Variants in EXD1 observed in about 807,000 individuals in gnomAD.
EXD1 encodes exonuclease 3'-5' domain containing 1.
A neutral mutation model predicts 49.1 loss-of-function variants in EXD1; 63 were observed. That is an observed-to-expected ratio of 1.28 (90% CI 1.05 to 1.58). The LOEUF (loss-of-function observed/expected upper bound fraction) is 1.58, where lower values mean the gene tolerates loss of function less well. Among genes scored for constraint, EXD1 ranks in the 40% most tolerant of loss-of-function variants. The pLI, the probability that EXD1 is intolerant of heterozygous loss-of-function variation, is 0.00. For missense variants in EXD1, 748 were observed against 666.0 expected (o/e 1.12, Z -1.36); for synonymous variants, 234 against 239.2 (o/e 0.98, Z 0.20).
At chr15:41,220,704 G>A (rs1450292561) in intron 2 of EXD1, among the ~76,000 whole-genome samples, 1 of 152,122 alleles carries the variant, frequency 6.6e-6, no homozygotes, top group Non-Finnish European at 1.5e-5. Context: ...TGTCCACAAT[G>A]TGCTGTCATT....
intron 2 of EXD1, among the ~76,000 whole-genome samples, chr15:41,225,823 G>A (rs1012696132): frequency 6.6e-6 from 1 of 151,566 alleles, no homozygotes; most frequent in African/African-American, 2.4e-5. Flanking sequence ...GGGAGGCGGA[G>A]GTTGCGGTGA....
intron 1 of EXD1, among the ~76,000 whole-genome samples, chr15:41,227,202 A>G (rs987437298): frequency 6.6e-6 from 1 of 152,228 alleles, no homozygotes. Flanking sequence ...ACATTGGGAA[A>G]AGAACTTTTC....
At chr15:41,197,297 G>A (rs1476781506) in intron 7 of EXD1, among the ~76,000 whole-genome samples, 4 of 148,610 alleles carry the variant, frequency 2.7e-5, no homozygotes, top group African/African-American at 9.9e-5. Flanking sequence ...GCACGATCTC[G>A]ACTCACTGCA....
chr15:41,199,759 CAT>C (rs1447517222), intron 7 of EXD1, among the ~76,000 whole-genome samples: 5 of 12,616 alleles, frequency 4.0e-4, no homozygotes, highest in Admixed American at 1.2e-3. Flanking sequence ...ATATATGATA[CAT>C]ATATGATATA....
intron 2 of EXD1, among the ~76,000 whole-genome samples, chr15:41,224,264 A>T (rs8038198): frequency 6.6e-6 from 1 of 152,152 alleles, no homozygotes; most frequent in Admixed American, 6.5e-5. Context: ...TGAGAACAGG[A>T]ACCACCTTAT....
intron 11 of EXD1, among the ~76,000 whole-genome samples, chr15:41,186,493 G>GA (rs949250984): frequency 2.2e-4 from 18 of 82,126 alleles, no homozygotes; most frequent in Admixed American, 4.3e-4. Flanking sequence ...AAAAAAATCA[G>GA]AAAAAAAAAG....
chr15:41,214,655 C>A (rs1276381119), intron 6 of EXD1, among the ~76,000 whole-genome samples: 1 of 152,186 alleles, frequency 6.6e-6, no homozygotes, highest in Admixed American at 6.6e-5. Flanking sequence ...CACTGTGGTC[C>A]TGTCACACTG....
chr15:41,228,493 A>G (rs1317391283), intron 1 of EXD1, among the ~76,000 whole-genome samples: 2 of 152,226 alleles, frequency 1.3e-5, no homozygotes, highest in Non-Finnish European at 2.9e-5. Context: ...AGGTAATGCA[A>G]TCTGAACTAA....
At chr15:41,211,698 G>A (rs1198241281) in intron 6 of EXD1, among the ~76,000 whole-genome samples, 2 of 150,676 alleles carry the variant, frequency 1.3e-5, no homozygotes, top group African/African-American at 2.5e-5. Flanking sequence ...AGTGGCTCAC[G>A]CCTGTAATCC....
intron 9 of EXD1, among the ~76,000 whole-genome samples, chr15:41,193,528 CG>C (rs2046564032): frequency 1.3e-5 from 2 of 152,040 alleles, no homozygotes; most frequent in African/African-American, 2.4e-5. Flanking sequence ...TGTTTGAGGT[CG>C]GGAGTTCAAG....
chr15:41,208,996 A>AC, intron 7 of EXD1, among the ~76,000 whole-genome samples: 1 of 152,060 alleles, frequency 6.6e-6, no homozygotes, highest in East Asian at 1.9e-4. Flanking sequence ...TTAAAAAAAA[A>AC]AACAAAGTGA....
chr15:41,199,739 G>GATATATAATATATGTGATATATAATATA (rs777473507), intron 7 of EXD1, among the ~76,000 whole-genome samples: 2 of 79,378 alleles, frequency 2.5e-5, no homozygotes, highest in Admixed American at 1.6e-4. Context: ...TGATATATAT[G>GATATATAATATATGTGATATATAATATA]TCATATATTA....
At chr15:41,229,787 C>T (rs144246383) in intron 1 of EXD1, among the ~76,000 whole-genome samples, 44 of 151,812 alleles carry the variant, frequency 2.9e-4, no homozygotes, top group African/African-American at 9.9e-4. Flanking sequence ...ACAACAACAA[C>T]AAACAAACAA....
At position 41,209,555 on chromosome 15, in the gene EXD1, A is replaced by G. The variant is rs756701498; in HGVS notation, c.480T>C (p.Ser160=). ...ATACATTCGCTCCTTCTGCTGCCACACTCAGGACATTCTGCTTCTTGATAT... is the reference window on the plus strand; with the variant it reads ...ATACATTCGCTCCTTCTGCTGCCACGCTCAGGACATTCTGCTTCTTGATAT... ...ILHIKKQNVL[S]VAAEGANVCR... Residue 160 remains serine (S), a synonymous_variant, in exon 7 of 12, where the codon AGT becomes AGC. Coordinates refer to ENST00000458580, the MANE Select transcript of EXD1 (RefSeq NM_001286441.2). 4 of 1,614,052 alleles carry G rather than the reference A, an allele frequency of 2.5e-6. No homozygotes were observed. Among genetic ancestry groups the G allele is most frequent in the African/African-American group, 1.3e-5 (1 of 74,924 alleles).
At chr15:41,223,206 C>G (rs2047115625) in intron 2 of EXD1, among the ~76,000 whole-genome samples, 1 of 151,972 alleles carries the variant, frequency 6.6e-6, no homozygotes, top group Admixed American at 6.6e-5. Context: ...ACTGCTTGAG[C>G]CCAGGAGTTC....
At chr15:41,217,510 G>A (rs1301151289) in intron 3 of EXD1, among the ~76,000 whole-genome samples, 1 of 150,408 alleles carries the variant, frequency 6.6e-6, no homozygotes, top group African/African-American at 2.5e-5. Flanking sequence ...CTTCACATGG[G>A]TGCTGTTTGA....
chr15:41,225,144 CT>C (rs1457701212), intron 2 of EXD1, among the ~76,000 whole-genome samples: 1 of 152,206 alleles, frequency 6.6e-6, no homozygotes, highest in African/African-American at 2.4e-5. Context: ...CTGCTGGTGT[CT>C]TTCAGCCATT....
rs1334515665 is a variant in EXD1, at chr15:41,227,457, G to A, written c.-53-829C>T. The stretch of plus-strand genomic sequence containing the variant: ...GGCCGAGGTGGGCAGATAATCTGAG[G>A]TCGGGAGTTCCAGACCAGCCTGACC... On this transcript the variant is annotated intron_variant, in intron 1 of 11. Transcript: ENST00000458580. Among the ~76,000 whole-genome samples the A allele has an allele frequency of 3.9e-5, 6 of 152,100 alleles. No homozygotes were observed. In the East Asian group the frequency reaches 9.6e-4, roughly 24 times the overall value.
At chr15:41,213,211 A>T (rs905902399) in intron 6 of EXD1, among the ~76,000 whole-genome samples, 3 of 150,862 alleles carry the variant, frequency 2.0e-5, no homozygotes, top group Non-Finnish European at 3.0e-5. Context: ...TTTTATTTTT[A>T]TTTTTTTTGA....
Sources: gnomAD v4.1 joint callset for allele counts (sites outside exome capture counted in the v4.1 genomes callset) on GRCh38, gnomAD v4.1.1 for gene constraint, MANE v1.5 for transcripts, NCBI Gene and HGNC (gene_info 2026-07-23, HGNC 2026-07-21) for gene names.